PDZRN3: variants seen among roughly 807,000 people sequenced by gnomAD.
PDZRN3 encodes E3 ubiquitin-protein ligase PDZRN3.
PDZRN3 carries 38 observed loss-of-function variants against 85.7 expected under a neutral mutation model. The observed-to-expected ratio is 0.44, with a 90% confidence interval of 0.34 to 0.58. The LOEUF (loss-of-function observed/expected upper bound fraction) is 0.58. Ranked by LOEUF, PDZRN3 falls within the 20% of genes least tolerant of loss-of-function variation. The pLI is 0.01. For missense variants in PDZRN3, 1,629 were observed against 1,506.4 expected (o/e 1.08, Z -1.35); for synonymous variants, 759 against 638.0 (o/e 1.19, Z -2.86).
chr3:73,585,522 C>T (rs898667887), intron 3 of PDZRN3, among the ~76,000 whole-genome samples: 1 of 152,188 alleles, frequency 6.6e-6, no homozygotes, highest in Non-Finnish European at 1.5e-5. Flanking sequence ...AAGGCCTTTG[C>T]TTAATGCCCT....
intron 3 of PDZRN3, among the ~76,000 whole-genome samples, chr3:73,582,665 A>C (rs916500856): frequency 6.6e-6 from 1 of 152,168 alleles, no homozygotes; most frequent in African/African-American, 2.4e-5. Context: ...TGTGGCATAA[A>C]GGAAAGCACA....
chr3:73,492,984 CTTTTT>C (rs5850113), intron 3 of PDZRN3, among the ~76,000 whole-genome samples: 3 of 104,044 alleles, frequency 2.9e-5, no homozygotes, highest in Non-Finnish European at 3.8e-5. Context: ...GCTTTTCAAC[CTTTTT>C]TTTTTTTTTT....
intron 3 of PDZRN3, among the ~76,000 whole-genome samples, chr3:73,546,377 A>G (rs1030497410): frequency 6.6e-6 from 1 of 152,234 alleles, no homozygotes; most frequent in Non-Finnish European, 1.5e-5. Context: ...GTCACTGTCT[A>G]TAAGGGAAAT....
intron 3 of PDZRN3, among the ~76,000 whole-genome samples, chr3:73,437,029 GAGAA>G (rs940869184): frequency 7.2e-6 from 1 of 138,302 alleles, no homozygotes; most frequent in African/African-American, 2.8e-5. Flanking sequence ...CCTGGCGACA[GAGAA>G]AGACTCTGTC....
intron 3 of PDZRN3, among the ~76,000 whole-genome samples, chr3:73,487,627 T>C (rs989112510): frequency 4.6e-5 from 7 of 152,160 alleles, no homozygotes; most frequent in Non-Finnish European, 8.8e-5. Flanking sequence ...CTTACTTTCT[T>C]TTTTTTCCCC....
intron 3 of PDZRN3, among the ~76,000 whole-genome samples, chr3:73,472,792 C>T (rs1405224291): frequency 2.0e-5 from 3 of 152,154 alleles, no homozygotes; most frequent in Non-Finnish European, 4.4e-5. Context: ...TGGTATCGTT[C>T]AGAAAGCTGG....
At chr3:73,441,766 G>A (rs1334854676) in intron 3 of PDZRN3, among the ~76,000 whole-genome samples, 1 of 152,148 alleles carries the variant, frequency 6.6e-6, no homozygotes, top group Non-Finnish European at 1.5e-5. Flanking sequence ...GGCTTCCTGG[G>A]AAATGGCAGG....
intron 3 of PDZRN3, among the ~76,000 whole-genome samples, chr3:73,489,570 C>CTTTTCTTTTTTT (rs1553694885): frequency 0.09 from 1,539 of 17,176 alleles, 125 homozygotes; most frequent in Middle Eastern, 0.36. Flanking sequence ...TGGGCAGTTT[C>CTTTTCTTTTTTT]TTTTCTTTTT....
At chr3:73,393,213 T>G (rs560551715) in intron 5 of PDZRN3, among the ~76,000 whole-genome samples, 1 of 151,968 alleles carries the variant, frequency 6.6e-6, no homozygotes, top group Non-Finnish European at 1.5e-5. Flanking sequence ...GTGGGAAGAT[T>G]GTAGGAAGAA....
chr3:73,459,827 C>T (rs1221251693), intron 3 of PDZRN3, among the ~76,000 whole-genome samples: 1 of 152,188 alleles, frequency 6.6e-6, no homozygotes. Flanking sequence ...ATCTGCCTAA[C>T]AGATGGGGAG....
At chr3:73,427,492 A>G (rs1435832917) in intron 3 of PDZRN3, among the ~76,000 whole-genome samples, 1 of 151,518 alleles carries the variant, frequency 6.6e-6, no homozygotes, top group Non-Finnish European at 1.5e-5. Context: ...TAATGAACAC[A>G]AGAGAACTCA....
At chr3:73,440,708 C>T (rs1457690386) in intron 3 of PDZRN3, among the ~76,000 whole-genome samples, 3 of 152,194 alleles carry the variant, frequency 2.0e-5, no homozygotes, top group Non-Finnish European at 4.4e-5. Context: ...CCCTTGCTAA[C>T]TCTTTGGAAT....
intron 3 of PDZRN3, among the ~76,000 whole-genome samples, chr3:73,464,078 T>C (rs1303797350): frequency 6.6e-6 from 1 of 152,298 alleles, no homozygotes; most frequent in South Asian, 2.1e-4. Context: ...CTCTGCCTCC[T>C]GGGTTGACGG....
intron 3 of PDZRN3, among the ~76,000 whole-genome samples, chr3:73,572,198 C>T (rs1198527073): frequency 1.3e-5 from 2 of 152,096 alleles, no homozygotes; most frequent in Admixed American, 6.5e-5. Flanking sequence ...TCCATTTGCC[C>T]GGGCTGTGAA....
intron 3 of PDZRN3, among the ~76,000 whole-genome samples, chr3:73,432,082 A>G (rs1702443982): frequency 6.6e-6 from 1 of 152,238 alleles, no homozygotes; most frequent in Admixed American, 6.5e-5. Flanking sequence ...TTGACTTACT[A>G]TGTTGAGCTA....
intron 3 of PDZRN3, among the ~76,000 whole-genome samples, chr3:73,582,949 T>G (rs529250306): frequency 6.6e-6 from 1 of 152,316 alleles, no homozygotes; most frequent in South Asian, 2.1e-4. Flanking sequence ...CTTCTATTGA[T>G]ATAGCCTTAC....
At chr3:73,597,549 ACG>A (rs1237127345) in intron 3 of PDZRN3, among the ~76,000 whole-genome samples, 1 of 152,110 alleles carries the variant, frequency 6.6e-6, no homozygotes, top group Non-Finnish European at 1.5e-5. Flanking sequence ...CGTTTAACCC[ACG>A]CAATCACTAC....
At chr3:73,530,307 A>T (rs1270194442) in intron 3 of PDZRN3, among the ~76,000 whole-genome samples, 1 of 152,234 alleles carries the variant, frequency 6.6e-6, no homozygotes, top group African/African-American at 2.4e-5. Context: ...TTGCAATAAA[A>T]ATTAAGTGGT....
At chr3:73,531,844 C>G (rs1464251377) in intron 3 of PDZRN3, among the ~76,000 whole-genome samples, 1 of 152,190 alleles carries the variant, frequency 6.6e-6, no homozygotes, top group East Asian at 1.9e-4. Context: ...GGAAATGAAC[C>G]CAGCACATAC....
Sources: gnomAD v4.1 joint callset for allele counts (sites outside exome capture counted in the v4.1 genomes callset) on GRCh38, gnomAD v4.1.1 for gene constraint, MANE v1.5 for transcripts, NCBI Gene and HGNC (gene_info 2026-07-23, HGNC 2026-07-21) for gene names.